PCNX2: variants seen among roughly 807,000 people sequenced by gnomAD.
The protein encoded by PCNX2 is pecanex-like protein 2.
PCNX2 carries 168 observed loss-of-function variants against 223.8 expected under a neutral mutation model. The ratio of observed to expected loss-of-function variants is 0.75; its 90% confidence interval spans 0.66 to 0.85. The LOEUF (loss-of-function observed/expected upper bound fraction) is 0.85, where lower values mean the gene tolerates loss of function less well. PCNX2 is among the 40% of genes least tolerant of loss of function. PCNX2 has a pLI of 0.00. For missense variants in PCNX2, 2,507 were observed against 2,675.5 expected, an observed-to-expected ratio of 0.94 and a Z score of 1.39; for synonymous variants, 1,006 against 1,052.6, an observed-to-expected ratio of 0.96 and a Z score of 0.86.
chr1:233,130,292 C>G (rs562830524), intron 21 of PCNX2, among the ~76,000 whole-genome samples: 1 of 152,204 alleles, frequency 6.6e-6, no homozygotes, highest in South Asian at 2.1e-4. Context: ...ATTCCGGACA[C>G]ACTCCTACCC....
chr1:233,207,862 C>T (rs538134535), intron 13 of PCNX2, among the ~76,000 whole-genome samples: 43 of 152,250 alleles, frequency 2.8e-4, no homozygotes, highest in South Asian at 1.0e-3. Context: ...TTCAGGACTC[C>T]TCCTGGACTG....
chr1:233,099,370 G>A (rs972856878), intron 21 of PCNX2, among the ~76,000 whole-genome samples: 1 of 152,112 alleles, frequency 6.6e-6, no homozygotes, highest in Non-Finnish European at 1.5e-5. Context: ...CTGCAGCCAC[G>A]TTCTTTCAGG....
At position 233,236,862 on chromosome 1, in the gene PCNX2, G is replaced by C. The variant is rs765506836; in HGVS notation, c.2341C>G (p.Gln781Glu). 6.2e-7 allele frequency: 1 copy of C among 1,613,886 alleles called. No homozygotes were observed. Among genetic ancestry groups the C allele is most frequent in the South Asian group, 1.1e-5 (1 of 91,076 alleles). The change falls in exon 9 of 34, where the codon CAG becomes GAG. Residue 781 changes from glutamine (Q) to glutamate (E), a missense_variant. Gln to Glu is a conservative substitution (Grantham distance 29). Around this residue, in one of 3 missense-constraint regions of PCNX2, gnomAD observed 1,031 missense variants for 1,021.7 expected, o/e 1.01. Coordinates refer to ENST00000258229, the MANE Select transcript of PCNX2 (RefSeq NM_014801.4). ...QLLLMVARRT[Q>E]SETPRHVSQD... ...GTACGTACCCGTGGGGTTTCCGACT[G>C]GGTCCTGCGAGCCACCATCAGTAAC...
intron 2 of PCNX2, 38 bp downstream of exon 2, chr1:233,262,920 T>C (rs1283990209): frequency 6.3e-7 from 1 of 1,589,984 alleles, no homozygotes; most frequent in Non-Finnish European, 8.6e-7. Context: ...GAGCAAAACA[T>C]TTACATTTTG....
At chr1:233,222,405 T>G (rs1424802696) in intron 10 of PCNX2, among the ~76,000 whole-genome samples, 1 of 151,990 alleles carries the variant, frequency 6.6e-6, no homozygotes, top group Non-Finnish European at 1.5e-5. Context: ...TTAAGAATAG[T>G]GTACAGGGGC....
chr1:233,087,059 G>A, intron 23 of PCNX2: 1 of 985,358 alleles, frequency 1.0e-6, no homozygotes, highest in Non-Finnish European at 1.2e-6. Flanking sequence ...GGAACAGGAG[G>A]TCTGCAGGTT....
intron 19 of PCNX2, among the ~76,000 whole-genome samples, chr1:233,150,830 T>C (rs988296270): frequency 8.5e-5 from 13 of 152,276 alleles, no homozygotes; most frequent in African/African-American, 3.1e-4. Context: ...GCAGAATCAG[T>C]GTGAAATGTG....
the PCNX2 span, among the ~76,000 whole-genome samples, chr1:233,311,644 TG>T: frequency 6.6e-6 from 1 of 152,194 alleles, no homozygotes; most frequent in Non-Finnish European, 1.5e-5. Flanking sequence ...CACCAAAATT[TG>T]GGGGATCCAT....
chr1:233,061,816 T>C (rs1426329803), intron 23 of PCNX2, among the ~76,000 whole-genome samples: 1 of 152,138 alleles, frequency 6.6e-6, no homozygotes, highest in African/African-American at 2.4e-5. Context: ...TGGAGTGCAG[T>C]GGTGCGATCT....
At chr1:233,120,329 C>A (rs717589) in intron 21 of PCNX2, among the ~76,000 whole-genome samples, 28,349 of 151,812 alleles carry the variant, frequency 0.19, 2,767 homozygotes, top group East Asian at 0.24. Flanking sequence ...CAAATGGAGA[C>A]TAAGCACCTA....
At chr1:233,309,982 AT>A in the PCNX2 span, among the ~76,000 whole-genome samples, 1 of 152,206 alleles carries the variant, frequency 6.6e-6, no homozygotes, top group Non-Finnish European at 1.5e-5. Flanking sequence ...CATCAAATAA[AT>A]AATAAAGTTA....
In PCNX2 at chr1:233,129,533, C is replaced by G. The variant is rs549160624; in HGVS notation, c.3837+5480G>C. On this transcript the variant is annotated intron_variant, in intron 21 of 33. Coordinates refer to ENST00000258229, the MANE Select transcript of PCNX2 (RefSeq NM_014801.4). The stretch of plus-strand genomic sequence containing the variant: ...CACAGTGCGGGACTGGCAGGCAGCT[C>G]CACCTGCGGCCTCAGTGTGGGATCC... 6.6e-5 allele frequency among the ~76,000 whole-genome samples: 10 copies of G among 152,346 alleles called. No individual in the cohort carries two copies. The East Asian group carries it at 1.5e-3, about 24-fold the overall frequency.
chr1:233,046,580 A>AT (rs1420899804), intron 25 of PCNX2, among the ~76,000 whole-genome samples: 1 of 152,076 alleles, frequency 6.6e-6, no homozygotes, highest in African/African-American at 2.4e-5. Flanking sequence ...GGGAACTATC[A>AT]TTTTTTTCTC....
Position 233,179,128 on chromosome 1 carries a change from A to G in PCNX2, c.3114T>C (p.Cys1038=), listed in dbSNP as rs1679650030. Residue 1038 remains cysteine, a synonymous_variant, in exon 16 of 34, where the codon TGT becomes TGC. Coordinates refer to ENST00000258229, the MANE Select transcript of PCNX2 (RefSeq NM_014801.4). ...QHIPALFSAF[C]GLLVALSYHL... ...GGTAAGAAAGGGCGACCAAGAGGCC[A>G]CAGAAGGCCGAAAACAGTGCCGGGA... 3 of 1,613,834 alleles carry G rather than the reference A, an allele frequency of 1.9e-6. No individual in the cohort carries two copies. The Admixed American group carries it at 5.0e-5, about 27-fold the overall frequency.
At chr1:233,313,573 G>A in the PCNX2 span, among the ~76,000 whole-genome samples, 1 of 151,718 alleles carries the variant, frequency 6.6e-6, no homozygotes, top group African/African-American at 2.4e-5. Flanking sequence ...AAGCAAGACA[G>A]AAAAAGAGAA....
Position 233,252,392 on chromosome 1 carries a change from A to G in PCNX2, c.2090T>C (p.Ile697Thr), listed in dbSNP as rs1659508180. 1 of 1,612,718 alleles carries G rather than the reference A, an allele frequency of 6.2e-7. No homozygotes were observed. Among genetic ancestry groups the G allele is most frequent in the African/African-American group, 1.3e-5 (1 of 74,930 alleles). ...GAAGACATGCATAGCATCCACAGATATCTCTTCTTGTACAGATGTTTCAGG... is the reference window on the plus strand; with the variant it reads ...GAAGACATGCATAGCATCCACAGATGTCTCTTCTTGTACAGATGTTTCAGG... ...SGPETSVQEE[I>T]SVDAMHVFID... is the part of the protein sequence containing the mutation. Residue 697 changes from isoleucine to threonine, a missense_variant, in exon 7 of 34, where the codon ATA becomes ACA. Physicochemically the swap from Ile to Thr is moderately conservative, Grantham distance 89. Transcript: ENST00000258229.
chr1:233,032,186 T>A (rs1671293522), intron 25 of PCNX2: 1 of 532,990 alleles, frequency 1.9e-6, no homozygotes, highest in Non-Finnish European at 2.4e-6. Context: ...TACCACAACC[T>A]CCGCCTCCCG....
chr1:233,116,966 G>A (rs1675449116), intron 21 of PCNX2, among the ~76,000 whole-genome samples: 1 of 152,150 alleles, frequency 6.6e-6, no homozygotes, highest in African/African-American at 2.4e-5. Context: ...TAAGGAAACT[G>A]CGTATGTAGA....
intron 9 of PCNX2, among the ~76,000 whole-genome samples, chr1:233,236,408 T>C (rs1035383866): frequency 1.3e-5 from 2 of 152,110 alleles, no homozygotes; most frequent in Non-Finnish European, 2.9e-5. Context: ...ATAATGTTAC[T>C]TGCCCCAAGA....
Sources: allele counts gnomAD v4.1 joint callset (sites outside exome capture counted in the v4.1 genomes callset), GRCh38; gene constraint gnomAD v4.1.1; regional missense constraint gnomAD v4.1.1; transcripts MANE v1.5; gene names NCBI Gene and HGNC (gene_info 2026-07-23, HGNC 2026-07-21).